The following ZNF644 variants were observed in gnomAD, a reference collection of about 807,000 sequenced individuals.
ZNF644 encodes zinc finger motif enhancer binding protein 2.
A neutral mutation model predicts 108.0 loss-of-function variants in ZNF644; 20 were observed. That is an observed-to-expected ratio of 0.19 (90% confidence interval 0.13 to 0.27). The LOEUF is 0.27. Ranked by LOEUF, ZNF644 falls within the 10% of genes least tolerant of loss-of-function variation. The pLI is 1.00. For synonymous variants in ZNF644, 542 were observed against 539.1 expected (o/e 1.01, Z -0.08); for missense variants, 1,338 against 1,548.9 (o/e 0.86, Z 2.29).
In ZNF644 at chr1:90,926,883, A is replaced by G. The variant is rs1340231950; in HGVS notation, c.3689-8729T>C. 4.6e-5 allele frequency among the ~76,000 whole-genome samples: 7 copies of G among 152,298 alleles called. No individual in the cohort carries two copies. The South Asian group carries it at 1.2e-3, about 27-fold the overall frequency. On this transcript the variant is annotated intron_variant, in intron 4 of 5. Transcript: ENST00000337393. ...TTATTTAAAAAGCAATTTCAAAAGC[A>G]TTACACAAATTCTGCATTCAAATAG... is the stretch of plus-strand genomic sequence containing the variant.
rs1344915305 is a variant in ZNF644, at chr1:90,938,344, T to C, written c.3010A>G (p.Ile1004Val). The C allele has an allele frequency of 6.2e-7, 1 of 1,614,022 alleles. No homozygotes were observed. The highest frequency in any genetic ancestry group is 2.2e-5 in the East Asian group (1 of 44,882). ...EARHVVSPEQIATSDKMQHFK... is the reference protein window; with the variant it reads ...EARHVVSPEQVATSDKMQHFK... ...TGCTGCATTTTGTCACTTGTGGCTA[T>C]TTGTTCTGGTGATACAACATGACGG... Residue 1004 changes from isoleucine (I) to valine (V), a missense_variant, in exon 3 of 6, where the codon ATA becomes GTA. Transcript: ENST00000337393. The surrounding 1 kb of genome is among the most constrained non-coding windows in gnomAD (Gnocchi z 4.2).
At chr1:90,971,028 T>G (rs1283876859) in intron 2 of ZNF644, among the ~76,000 whole-genome samples, 1 of 149,450 alleles carries the variant, frequency 6.7e-6, no homozygotes, top group African/African-American at 2.4e-5. Context: ...ACACTATCAC[T>G]TACATTCCAC....
At chr1:90,957,979 C>CATA (rs1267529791) in intron 2 of ZNF644, among the ~76,000 whole-genome samples, 1 of 151,900 alleles carries the variant, frequency 6.6e-6, no homozygotes, top group Non-Finnish European at 1.5e-5. Context: ...ATACCAGCAA[C>CATA]GAATGATCCA....
chr1:90,975,745 C>T (rs1174282004), intron 2 of ZNF644, among the ~76,000 whole-genome samples: 1 of 152,088 alleles, frequency 6.6e-6, no homozygotes, highest in Non-Finnish European at 1.5e-5. Flanking sequence ...CGCCTGGCCT[C>T]AAATATCTAC....
chr1:90,923,786 G>C (rs1029623752), intron 4 of ZNF644, among the ~76,000 whole-genome samples: 1 of 152,146 alleles, frequency 6.6e-6, no homozygotes, highest in South Asian at 2.1e-4. Context: ...CTGGAAAGCA[G>C]ATTTCCTTTG....
intron 1 of ZNF644, among the ~76,000 whole-genome samples, chr1:90,988,310 G>A (rs1657312971): frequency 6.6e-6 from 1 of 152,074 alleles, no homozygotes; most frequent in African/African-American, 2.4e-5. Flanking sequence ...GTATCAAAAA[G>A]AATACAATAT....
intron 1 of ZNF644, among the ~76,000 whole-genome samples, chr1:91,008,104 CTG>C (rs1296102162): frequency 6.6e-6 from 1 of 152,162 alleles, no homozygotes; most frequent in East Asian, 1.9e-4. Context: ...GAAAAAGAGA[CTG>C]GGAATAACTC....
chr1:90,978,836 TAAA>T (rs74910043), intron 2 of ZNF644, among the ~76,000 whole-genome samples: 336 of 137,422 alleles, frequency 2.4e-3, no homozygotes, highest in Non-Finnish European at 4.3e-3. Flanking sequence ...AATCAGGATT[TAAA>T]AAAAAAAAAA....
intron 2 of ZNF644, among the ~76,000 whole-genome samples, chr1:90,961,953 A>G (rs1203088011): frequency 2.0e-5 from 3 of 152,048 alleles, no homozygotes; most frequent in Admixed American, 2.0e-4. Flanking sequence ...CAAAATGTCA[A>G]TTGTGCCAAG....
intron 4 of ZNF644, among the ~76,000 whole-genome samples, chr1:90,923,703 C>G (rs1251556723): frequency 6.6e-6 from 1 of 152,094 alleles, no homozygotes; most frequent in African/African-American, 2.4e-5. Context: ...AATCACACAG[C>G]AATCAGTGGC....
intron 1 of ZNF644, among the ~76,000 whole-genome samples, chr1:90,988,604 G>A (rs933671910): frequency 5.9e-5 from 9 of 152,120 alleles, no homozygotes; most frequent in Admixed American, 1.3e-4. Context: ...GAACAACAAA[G>A]TTGGAGGCCT....
intron 1 of ZNF644, among the ~76,000 whole-genome samples, chr1:90,982,843 A>G (rs933886176): frequency 3.3e-5 from 5 of 152,054 alleles, no homozygotes; most frequent in Admixed American, 6.6e-5. Context: ...AATTTGTTAG[A>G]GCAACCACAG....
At chr1:91,014,042 C>T (rs1472351270) in intron 1 of ZNF644, among the ~76,000 whole-genome samples, 1 of 151,906 alleles carries the variant, frequency 6.6e-6, no homozygotes, top group Admixed American at 6.6e-5. Flanking sequence ...CACAAATTAC[C>T]TTTTTCTTCT....
intron 4 of ZNF644, among the ~76,000 whole-genome samples, chr1:90,919,513 A>T (rs1218302764): frequency 1.3e-5 from 2 of 152,118 alleles, no homozygotes; most frequent in East Asian, 3.8e-4. Context: ...AAGAAACCTA[A>T]ATCTCATTGA....
At chr1:91,014,453 AGTT>A (rs1049958885) in intron 1 of ZNF644, among the ~76,000 whole-genome samples, 2 of 152,188 alleles carry the variant, frequency 1.3e-5, no homozygotes, top group Admixed American at 6.5e-5. Flanking sequence ...ATTAAAAAAA[AGTT>A]GTTTTCAGAT....
chr1:90,987,876 A>C (rs1657263634), intron 1 of ZNF644, among the ~76,000 whole-genome samples: 2 of 152,164 alleles, frequency 1.3e-5, no homozygotes, highest in Non-Finnish European at 2.9e-5. Flanking sequence ...ACAATTAAAC[A>C]TATGAAAACA....
chr1:90,969,570 A>C (rs913332085), intron 2 of ZNF644, among the ~76,000 whole-genome samples: 1 of 152,154 alleles, frequency 6.6e-6, no homozygotes, highest in African/African-American at 2.4e-5. Flanking sequence ...GTCCTGCTCC[A>C]TCCTACCCAG....
At chr1:90,957,649 C>T (rs1191270284) in intron 2 of ZNF644, among the ~76,000 whole-genome samples, 1 of 152,076 alleles carries the variant, frequency 6.6e-6, no homozygotes, top group Non-Finnish European at 1.5e-5. Flanking sequence ...TGACAAAGAG[C>T]ATAAAAACCC....
intron 2 of ZNF644, among the ~76,000 whole-genome samples, chr1:90,971,385 CAATGT>C (rs1250418340): frequency 6.6e-6 from 1 of 151,152 alleles, no homozygotes; most frequent in Non-Finnish European, 1.5e-5. Flanking sequence ...GAAACTACTT[CAATGT>C]AATAAAAGCA....
Sources: gnomAD v4.1 joint callset for allele counts (sites outside exome capture counted in the v4.1 genomes callset) on GRCh38, gnomAD v4.1.1 for gene constraint, Gnocchi (gnomAD v3.1) non-coding constraint, MANE v1.5 for transcripts, NCBI Gene and HGNC (gene_info 2026-07-23, HGNC 2026-07-21) for gene names.